Variants in CAV2 observed in about 807,000 individuals in gnomAD.
The protein encoded by CAV2 is caveolin-2.
Under a neutral mutation model 15.5 loss-of-function variants are expected in CAV2, and 7 were observed. The ratio of observed to expected loss-of-function variants is 0.45; its 90% CI spans 0.26 to 0.85. The LOEUF (loss-of-function observed/expected upper bound fraction) is 0.85. Ranked by LOEUF, CAV2 falls within the 40% of genes least tolerant of loss-of-function variation. The probability of loss-of-function intolerance (pLI) is 0.18; values close to 1 mark genes in which losing one functional copy is unlikely to be tolerated. For missense variants in CAV2, 229 were observed against 208.8 expected (o/e 1.10, Z -0.60); for synonymous variants, 76 against 83.1 (o/e 0.91, Z 0.46).
At chr7:116,501,981 G>T (rs113827913) in intron 2 of CAV2, among the ~76,000 whole-genome samples, 1 of 151,950 alleles carries the variant, frequency 6.6e-6, no homozygotes, top group Non-Finnish European at 1.5e-5. Context: ...ATAAGATTTG[G>T]GATTCCCAAT....
Position 116,506,126 on chromosome 7 carries a change from T to C in CAV2, c.*5T>C, listed in dbSNP as rs762536165. On this transcript the variant is annotated 3_prime_UTR_variant, in exon 3 of 3. Coordinates refer to ENST00000222693, the MANE Select transcript of CAV2 (RefSeq NM_001233.5). Reference sequence around the variant, plus strand: ...CTGCAACTGAGCCAGGATTGAATACTTGGACCCCAGGTCTGGAGATTGGGA... The same window carrying C: ...CTGCAACTGAGCCAGGATTGAATACCTGGACCCCAGGTCTGGAGATTGGGA... 6 of 1,614,040 alleles carry C rather than the reference T, an allele frequency of 3.7e-6. No individual in the cohort carries two copies. The highest frequency in any genetic ancestry group is 4.5e-5 in the East Asian group (2 of 44,878).
In CAV2 at chr7:116,503,552, G is replaced by A. The variant is rs531344793; in HGVS notation, c.339-2419G>A. On this transcript the variant is annotated intron_variant, in intron 2 of 2. Transcript: ENST00000222693. ...TAGAAAGTACATTGTATTCTGGCTGGGAGCAGTGGCTCTCGCCTGTAATCC... is the reference window on the plus strand; with the variant it reads ...TAGAAAGTACATTGTATTCTGGCTGAGAGCAGTGGCTCTCGCCTGTAATCC... 2.7e-4 allele frequency among the ~76,000 whole-genome samples: 41 copies of A among 152,172 alleles called. No homozygotes were observed. In the South Asian group the frequency reaches 4.2e-3, roughly 15 times the overall value.
chr7:116,506,576 A>C lies in CAV2; in HGVS notation c.*455A>C, dbSNP rs542905867. ...ATATATAGTCACTGGCATACTGAGA[A>C]TATACAATGATCCTGGAAATTGCAG... On this transcript the variant is annotated 3_prime_UTR_variant, in exon 3 of 3. Coordinates refer to ENST00000222693, the MANE Select transcript of CAV2 (RefSeq NM_001233.5). 1.3e-5 allele frequency: 2 copies of C among 153,176 alleles called. No homozygotes were observed. The highest frequency in any genetic ancestry group is 4.8e-5 in the African/African-American group (2 of 41,604). 9.5% of individuals were successfully genotyped at this position (153,176 alleles called of 1,614,324 possible).
rs1793256529 is a variant in CAV2 at position 116,507,160 on chromosome 7, T to C, written c.*1039T>C. ...AACATTTTACAGTAAATGTTACTTC[T>C]GATACTTTAGTACAATTTCAACTAC... On this transcript the variant is annotated 3_prime_UTR_variant, in exon 3 of 3. Coordinates refer to ENST00000222693, the MANE Select transcript of CAV2 (RefSeq NM_001233.5). 6.6e-6 allele frequency: 1 copy of C among 152,666 alleles called. No homozygotes were observed. Among genetic ancestry groups the C allele is most frequent in the Non-Finnish European group, 1.5e-5 (1 of 68,032 alleles). The allele number at this position is 152,666 out of a possible 1,614,324, so 9.5% of individuals were successfully genotyped here. A position where few individuals can be genotyped will look rare whatever the true frequency, so the allele number is the denominator to read the frequency against.
At position 116,499,891 on chromosome 7, in the gene CAV2, A is replaced by T; in HGVS notation, c.110A>T (p.Asp37Val). 6.2e-7 allele frequency: 1 copy of T among 1,611,540 alleles called. No homozygotes were observed. The highest frequency in any genetic ancestry group is 8.5e-7 in the Non-Finnish European group (1 of 1,179,360). Residue 37 changes from aspartate to valine, a missense_variant, in exon 1 of 3, where the codon GAC (aspartate) becomes GTC (valine). Coordinates refer to ENST00000222693, the MANE Select transcript of CAV2 (RefSeq NM_001233.5). The stretch of plus-strand genomic sequence containing the variant: ...GACCCCGAGAAGTTCGCGGACTCGG[A>T]CCAGGACCGGGATCCCCACCGGCTC... Reference protein sequence around the residue: ...YADPEKFADSDQDRDPHRLNS... With the variant: ...YADPEKFADSVQDRDPHRLNS...
intron 2 of CAV2, among the ~76,000 whole-genome samples, chr7:116,503,967 A>C (rs1793169953): frequency 6.6e-6 from 1 of 151,116 alleles, no homozygotes; most frequent in African/African-American, 2.4e-5. Flanking sequence ...GAAAAAGAGA[A>C]AGAAGGAAAG....
intron 1 of CAV2, 59 bp downstream of exon 1, chr7:116,499,990 C>T: frequency 6.3e-7 from 1 of 1,579,614 alleles, no homozygotes; most frequent in African/African-American, 1.3e-5. Flanking sequence ...GCGGGCGCCC[C>T]TCAGCCCCGC....
At chr7:116,501,600 A>T (rs1793105612) in intron 2 of CAV2, among the ~76,000 whole-genome samples, 1 of 152,220 alleles carries the variant, frequency 6.6e-6, no homozygotes, top group South Asian at 2.1e-4. Context: ...AGGATGAATG[A>T]GAGATAGGGT....
In CAV2 at chr7:116,507,462, G is replaced by C. The variant is rs904951669; in HGVS notation, c.*1341G>C. The C allele has an allele frequency of 1.7e-4, 26 of 152,234 alleles. No homozygotes were observed. The highest frequency in any genetic ancestry group is 6.0e-4 in the African/African-American group (25 of 41,516). 9.4% of individuals were successfully genotyped at this position (152,234 alleles called of 1,614,324 possible). A position where few individuals can be genotyped will look rare whatever the true frequency, so the allele number is the denominator to read the frequency against. ...CCAAGGCGGGTGGATCATGAGGTCA[G>C]GAGATCAAGACCATCCTGGCCAACA... On this transcript the variant is annotated 3_prime_UTR_variant, in exon 3 of 3. Coordinates refer to ENST00000222693, the MANE Select transcript of CAV2 (RefSeq NM_001233.5).
chr7:116,500,771 G>T (rs1213499134), intron 2 of CAV2: 1 of 303,156 alleles, frequency 3.3e-6, no homozygotes, highest in African/African-American at 2.1e-5. Flanking sequence ...GGGCCCTGTT[G>T]TGACTCGTAC....
At chr7:116,500,607 C>A (rs758181874) in intron 2 of CAV2, 160 bp downstream of exon 2, 3 of 637,146 alleles carry the variant, frequency 4.7e-6, no homozygotes, top group Non-Finnish European at 5.4e-6. Context: ...AAAGGCAATG[C>A]GCTTCCTTTA....
chr7:116,500,561 C>G (rs1015751120), intron 2 of CAV2, 114 bp downstream of exon 2: 2 of 1,015,420 alleles, frequency 2.0e-6, no homozygotes, highest in Non-Finnish European at 2.9e-6. Context: ...GAACGCGCAT[C>G]AGTTCCCAAG....
At chr7:116,502,837 G>A (rs897924870) in intron 2 of CAV2, among the ~76,000 whole-genome samples, 18 of 152,168 alleles carry the variant, frequency 1.2e-4, no homozygotes, top group Admixed American at 1.1e-3. Flanking sequence ...GAATTAGTTG[G>A]ATTCCATACT....
chr7:116,503,389 T>C (rs1280708800), intron 2 of CAV2, among the ~76,000 whole-genome samples: 2 of 152,158 alleles, frequency 1.3e-5, no homozygotes, highest in Non-Finnish European at 2.9e-5. Context: ...AACAACACCC[T>C]ATAAACTGAA....
In CAV2 at chr7:116,499,863, G is replaced by A. The variant is rs769457664; in HGVS notation, c.82G>A (p.Ala28Thr). ...SYSHHSGLEY[A>T]DPEKFADSDQ... is the part of the protein sequence containing the mutation. Reference sequence around the variant, plus strand: ...CAGCCACCACAGCGGCCTCGAGTACGCCGACCCCGAGAAGTTCGCGGACTC... The same window carrying A: ...CAGCCACCACAGCGGCCTCGAGTACACCGACCCCGAGAAGTTCGCGGACTC... Residue 28 changes from alanine (A) to threonine (T), a missense_variant, in exon 1 of 3, where the codon GCC becomes ACC. Ala to Thr is a moderately conservative substitution (Grantham distance 58, BLOSUM62 0). Transcript: ENST00000222693. 3.7e-6 allele frequency: 6 copies of A among 1,610,682 alleles called. No individual in the cohort carries two copies. In the South Asian group the frequency reaches 6.6e-5, roughly 18 times the overall value.
At position 116,503,583 on chromosome 7, in the gene CAV2, C is replaced by A. The variant is rs62468996; in HGVS notation, c.339-2388C>A. Among the ~76,000 whole-genome samples, 769 of 150,896 alleles carry A rather than the reference C, an allele frequency of 5.1e-3. 7 individuals are homozygous for A. Among genetic ancestry groups the A allele is most frequent in the Non-Finnish European group, 8.4e-3 (571 of 67,672 alleles). On this transcript the variant is annotated intron_variant, in intron 2 of 2. Transcript: ENST00000222693. Reference sequence around the variant, plus strand: ...GTGGCTCTCGCCTGTAATCCCAGCACTTTGGGAGGCCAAGCTGGGCAGATC... The same window carrying A: ...GTGGCTCTCGCCTGTAATCCCAGCAATTTGGGAGGCCAAGCTGGGCAGATC...
chr7:116,499,789 T>C lies in CAV2; in HGVS notation c.8T>C (p.Leu3Pro). ...CCGCGCACCAAGGCTGCGATGGGGCTGGAGACGGAGAAGGCGGACGTACAG... is the reference window on the plus strand; with the variant it reads ...CCGCGCACCAAGGCTGCGATGGGGCCGGAGACGGAGAAGGCGGACGTACAG... Reference protein sequence around the residue: MGLETEKADVQLF... With the variant: MGPETEKADVQLF... The change falls in exon 1 of 3, where the codon CTG becomes CCG. Residue 3 changes from leucine (L) to proline (P), a missense_variant. By Grantham distance (98) the Leu-to-Pro change is moderately conservative (BLOSUM62 -3). Coordinates refer to ENST00000222693, the MANE Select transcript of CAV2 (RefSeq NM_001233.5). 1.9e-6 allele frequency: 3 copies of C among 1,571,758 alleles called. No homozygotes were observed. Among genetic ancestry groups the C allele is most frequent in the South Asian group, 2.3e-5 (2 of 85,550 alleles).
rs1793256099 is a variant in CAV2 at position 116,507,144 on chromosome 7, C to T, written c.*1023C>T. The T allele has an allele frequency of 6.6e-6, 1 of 152,596 alleles. No homozygotes were observed. Among genetic ancestry groups the T allele is most frequent in the Non-Finnish European group, 1.5e-5 (1 of 68,040 alleles). The allele number at this position is 152,596 out of a possible 1,614,324, so 9.5% of individuals were successfully genotyped here. On this transcript the variant is annotated 3_prime_UTR_variant, in exon 3 of 3. Coordinates refer to ENST00000222693, the MANE Select transcript of CAV2 (RefSeq NM_001233.5). ...AATATTGGTGCTATTTAACATTTTA[C>T]AGTAAATGTTACTTCTGATACTTTA...
At chr7:116,500,498 C>T (rs752330076) in intron 2 of CAV2, 51 bp downstream of exon 2, 4 of 1,537,526 alleles carry the variant, frequency 2.6e-6, no homozygotes, top group Non-Finnish European at 3.6e-6. Context: ...TGGGCATATT[C>T]TCCGCCACCT....
Sources: gnomAD v4.1 joint callset for allele counts (sites outside exome capture counted in the v4.1 genomes callset) on GRCh38, gnomAD v4.1.1 for gene constraint, MANE v1.5 for transcripts, NCBI Gene and HGNC (gene_info 2026-07-23, HGNC 2026-07-21) for gene names.